CSMD1: variants seen among roughly 807,000 people sequenced by gnomAD.
CSMD1 encodes the protein CUB and Sushi multiple domains 1.
A neutral mutation model predicts 417.5 loss-of-function variants in CSMD1; 213 were observed. The ratio of observed to expected loss-of-function variants is 0.51; its 90% CI spans 0.46 to 0.57. CSMD1 has a LOEUF of 0.57. Among genes scored for constraint, CSMD1 ranks in the 20% least tolerant of loss-of-function variants. CSMD1 has a pLI of 0.00. For synonymous variants in CSMD1, 2,862 were observed against 1,736.8 expected, an observed-to-expected ratio of 1.65 and a Z score of -16.11; for missense variants, 6,923 against 4,529.7, an observed-to-expected ratio of 1.53 and a Z score of -15.17.
At chr8:3,337,555 C>G (rs1277424180) in intron 23 of CSMD1, among the ~76,000 whole-genome samples, 2 of 152,034 alleles carry the variant, frequency 1.3e-5, no homozygotes, top group African/African-American at 4.8e-5. Flanking sequence ...TAAGCGATGG[C>G]CACTCTTTCA....
intron 7 of CSMD1, among the ~76,000 whole-genome samples, chr8:3,633,739 G>A (rs984542563): frequency 1.3e-5 from 2 of 152,142 alleles, no homozygotes; most frequent in Non-Finnish European, 2.9e-5. Context: ...TGTAAACACT[G>A]ATTTCCCTTC....
intron 3 of CSMD1, among the ~76,000 whole-genome samples, chr8:4,159,752 C>A (rs1272392251): frequency 6.6e-6 from 1 of 152,132 alleles, no homozygotes; most frequent in Non-Finnish European, 1.5e-5. Flanking sequence ...CCACGCCCGG[C>A]TAATTTTTTA....
At chr8:3,316,278 G>A (rs968509677) in intron 23 of CSMD1, among the ~76,000 whole-genome samples, 1 of 151,666 alleles carries the variant, frequency 6.6e-6, no homozygotes, top group Non-Finnish European at 1.5e-5. Context: ...ATGAATATGT[G>A]TAATAATTAC....
intron 8 of CSMD1, among the ~76,000 whole-genome samples, chr8:3,599,217 A>G (rs1801242415): frequency 6.6e-6 from 1 of 151,680 alleles, no homozygotes; most frequent in East Asian, 1.9e-4. Context: ...AAGGTCCTAA[A>G]TGATAAACAA....
chr8:2,976,639 G>A (rs1804954873), intron 55 of CSMD1, among the ~76,000 whole-genome samples: 1 of 152,160 alleles, frequency 6.6e-6, no homozygotes, highest in Non-Finnish European at 1.5e-5. Flanking sequence ...GTGAGTCACG[G>A]CACCTGGCCT....
At position 3,355,550 on chromosome 8, in the gene CSMD1, C is replaced by T. The variant is rs137909050; in HGVS notation, c.3304+3602G>A. Among the ~76,000 whole-genome samples the T allele has an allele frequency of 1.9e-3, 288 of 152,202 alleles. 1 individual carries two copies. Among genetic ancestry groups the T allele is most frequent in the African/African-American group, 6.7e-3 (278 of 41,542 alleles). On this transcript the variant is annotated intron_variant, in intron 21 of 69. Transcript: ENST00000635120. ...TCAATGTGGGCCAATGAGAGGAAACCCAGGACTTGTACATAAGCGATCTTC... is the reference window on the plus strand; with the variant it reads ...TCAATGTGGGCCAATGAGAGGAAACTCAGGACTTGTACATAAGCGATCTTC...
intron 36 of CSMD1, among the ~76,000 whole-genome samples, chr8:3,185,383 AG>A (rs1257653872): frequency 1.3e-5 from 2 of 152,212 alleles, no homozygotes; most frequent in African/African-American, 4.8e-5. Context: ...ATTATTAGTA[AG>A]GCATTTCCCT....
intron 3 of CSMD1, among the ~76,000 whole-genome samples, chr8:4,250,188 T>C (rs1304521297): frequency 4.6e-5 from 7 of 152,186 alleles, no homozygotes; most frequent in Non-Finnish European, 1.0e-4. Flanking sequence ...ATTTCTTTTC[T>C]TTACAAAGTA....
intron 1 of CSMD1, among the ~76,000 whole-genome samples, chr8:4,642,157 G>A (rs1219802371): frequency 6.6e-6 from 1 of 152,190 alleles, no homozygotes; most frequent in Non-Finnish European, 1.5e-5. Context: ...GCTCGGCAAG[G>A]AGCCTATAGG....
intron 3 of CSMD1, among the ~76,000 whole-genome samples, chr8:4,215,068 C>A (rs928345285): frequency 3.8e-4 from 58 of 152,218 alleles, no homozygotes; most frequent in African/African-American, 1.3e-3. Context: ...AGCCATGGAA[C>A]CAACGAAATA....
At chr8:4,058,176 T>C (rs1471902661) in intron 3 of CSMD1, among the ~76,000 whole-genome samples, 1 of 152,142 alleles carries the variant, frequency 6.6e-6, no homozygotes, top group Non-Finnish European at 1.5e-5. Context: ...GCATGGAATG[T>C]TCTTCCATTT....
chr8:4,211,068 A>C (rs1307218164), intron 3 of CSMD1, among the ~76,000 whole-genome samples: 1 of 152,204 alleles, frequency 6.6e-6, no homozygotes, highest in African/African-American at 2.4e-5. Flanking sequence ...TAAGAAATTC[A>C]TGTTCACATA....
intron 1 of CSMD1, among the ~76,000 whole-genome samples, chr8:4,793,627 A>G (rs905670215): frequency 1.3e-5 from 2 of 152,088 alleles, no homozygotes; most frequent in Admixed American, 1.3e-4. Context: ...AAAAAAAAAT[A>G]CAGCACTAAT....
chr8:4,586,726 T>G (rs1018528398), intron 2 of CSMD1, among the ~76,000 whole-genome samples: 5 of 152,180 alleles, frequency 3.3e-5, no homozygotes, highest in Non-Finnish European at 5.9e-5. Context: ...ATCATGCCTG[T>G]GAGAGAGATC....
chr8:4,152,958 A>G (rs1176192819), intron 3 of CSMD1, among the ~76,000 whole-genome samples: 2 of 152,270 alleles, frequency 1.3e-5, no homozygotes, highest in East Asian at 1.9e-4. Flanking sequence ...TAGAAATGGT[A>G]TTTGCCTTCA....
chr8:4,105,053 T>C (rs113002853), intron 3 of CSMD1, among the ~76,000 whole-genome samples: 4 of 152,058 alleles, frequency 2.6e-5, no homozygotes, highest in African/African-American at 9.6e-5. Flanking sequence ...TAATTCCAAC[T>C]AAAGGCAGCA....
At chr8:3,078,498 G>T (rs182100097) in intron 49 of CSMD1, among the ~76,000 whole-genome samples, 1 of 152,292 alleles carries the variant, frequency 6.6e-6, no homozygotes, top group East Asian at 1.9e-4. Flanking sequence ...GACGGCGTTG[G>T]ACTCTGCGTT....
chr8:4,078,009 A>C (rs1302785406), intron 3 of CSMD1, among the ~76,000 whole-genome samples: 1 of 152,068 alleles, frequency 6.6e-6, no homozygotes, highest in East Asian at 1.9e-4. Context: ...AGTTGGAAAA[A>C]AATAGCGCTA....
At chr8:3,488,161 G>T (rs572189830) in intron 11 of CSMD1, among the ~76,000 whole-genome samples, 1 of 151,668 alleles carries the variant, frequency 6.6e-6, no homozygotes, top group African/African-American at 2.4e-5. Context: ...GGAGTGCAGT[G>T]GGGTCATCAT....
Sources: allele counts gnomAD v4.1 joint callset (sites outside exome capture counted in the v4.1 genomes callset), GRCh38; gene constraint gnomAD v4.1.1; transcripts MANE v1.5; gene names NCBI Gene and HGNC (gene_info 2026-07-23, HGNC 2026-07-21).